The following TPD52L2 variants were observed in gnomAD, a reference collection of about 807,000 sequenced individuals.
TPD52L2 encodes the protein tumor protein D54.
TPD52L2 carries 19 observed loss-of-function variants against 24.7 expected under a neutral mutation model. That is an observed-to-expected ratio of 0.77 (90% confidence interval 0.54 to 1.13). The LOEUF (loss-of-function observed/expected upper bound fraction) is 1.13. Among genes scored for constraint, TPD52L2 ranks in the 50% most tolerant of loss-of-function variants. TPD52L2 has a pLI of 0.00. For synonymous variants in TPD52L2, 104 were observed against 100.2 expected (o/e 1.04, Z -0.23); for missense variants, 236 against 250.4 (o/e 0.94, Z 0.39).
chr20:63,881,378 GAA>G (rs1435486497), intron 4 of TPD52L2, among the ~76,000 whole-genome samples: 2 of 151,052 alleles, frequency 1.3e-5, no homozygotes, highest in Admixed American at 6.6e-5. Context: ...AAAAAAGAAA[GAA>G]AGTGCATCCT....
At chr20:63,869,007 C>T (rs1388839646) in intron 1 of TPD52L2, among the ~76,000 whole-genome samples, 4 of 152,246 alleles carry the variant, frequency 2.6e-5, no homozygotes, top group Admixed American at 2.0e-4. Flanking sequence ...CTGCCTCTGA[C>T]GATAGTATTC....
At chr20:63,872,042 C>CTTTTTTTTTTT (rs34989051) in intron 2 of TPD52L2, among the ~76,000 whole-genome samples, 2 of 106,928 alleles carry the variant, frequency 1.9e-5, no homozygotes, top group Non-Finnish European at 4.1e-5. Context: ...AGGTCATGTT[C>CTTTTTTTTTTT]TTTTTTTTTT....
At chr20:63,878,349 GC>G (rs1458934685) in intron 4 of TPD52L2, among the ~76,000 whole-genome samples, 1 of 152,242 alleles carries the variant, frequency 6.6e-6, no homozygotes, top group African/African-American at 2.4e-5. Context: ...TGAAACAATT[GC>G]CTGTTGCATT....
At chr20:63,885,168 G>A (rs1049257033) in intron 5 of TPD52L2, among the ~76,000 whole-genome samples, 2 of 152,254 alleles carry the variant, frequency 1.3e-5, no homozygotes, top group African/African-American at 2.4e-5. Context: ...CTGGACAGCT[G>A]CCCAACGCCC....
At chr20:63,875,738 C>G in intron 3 of TPD52L2, 78 bp from the exon 4 acceptor site, 1 of 1,481,800 alleles carries the variant, frequency 6.7e-7, no homozygotes, top group Non-Finnish European at 9.4e-7. Context: ...TCTGTCTTCC[C>G]TGGAACTTCA....
At chr20:63,873,549 G>A in intron 2 of TPD52L2, 119 bp from the exon 3 acceptor site, 1 of 1,162,006 alleles carries the variant, frequency 8.6e-7, no homozygotes. Context: ...GTTATTCCTA[G>A]GACGAGTTAA....
intron 2 of TPD52L2, among the ~76,000 whole-genome samples, chr20:63,870,249 A>C (rs1167217716): frequency 6.6e-6 from 1 of 152,226 alleles, no homozygotes; most frequent in African/African-American, 2.4e-5. Context: ...TAGTCAAACC[A>C]ACTGCCAAGA....
chr20:63,886,570 C>T (rs1358119761), intron 5 of TPD52L2, among the ~76,000 whole-genome samples: 1 of 152,008 alleles, frequency 6.6e-6, no homozygotes, highest in Non-Finnish European at 1.5e-5. Flanking sequence ...ACCGTGGTCT[C>T]GATCTCCCGA....
At chr20:63,866,010 G>A (rs544687189) in intron 1 of TPD52L2, among the ~76,000 whole-genome samples, 3 of 152,352 alleles carry the variant, frequency 2.0e-5, no homozygotes, top group East Asian at 3.9e-4. Context: ...GGGGCGTGGA[G>A]CGAGCCCAGG....
At position 63,869,313 on chromosome 20, in the gene TPD52L2, C is replaced by T. The variant is rs1272607790; in HGVS notation, c.37C>T (p.Pro13Ser). The T allele has an allele frequency of 1.9e-6, 3 of 1,614,110 alleles. No individual in the cohort carries two copies. Among genetic ancestry groups the T allele is most frequent in the Non-Finnish European group, 2.5e-6 (3 of 1,179,972 alleles). Residue 13 changes from proline to serine, a missense_variant, in exon 2 of 7, where the codon CCT becomes TCT. By Grantham distance (74) the Pro-to-Ser change is moderately conservative. Coordinates refer to ENST00000346249, the MANE Select transcript of TPD52L2 (RefSeq NM_003288.4). ...TCTGGCAGATATCAACCTGAATTCT[C>T]CTAACAAAGGTCTGCTGTCTGACTC... is the stretch of plus-strand genomic sequence containing the variant. ...SAGQDINLNS[P>S]NKGLLSDSMT...
chr20:63,883,278 T>A (rs1291281104), intron 5 of TPD52L2, among the ~76,000 whole-genome samples: 1 of 152,166 alleles, frequency 6.6e-6, no homozygotes, highest in African/African-American at 2.4e-5. Context: ...TGAATGAGCC[T>A]TCTCTCCCAG....
chr20:63,867,822 GAGACGGGGTTTC>G (rs1471877927), intron 1 of TPD52L2, among the ~76,000 whole-genome samples: 1 of 141,538 alleles, frequency 7.1e-6, no homozygotes, highest in Admixed American at 7.1e-5. Flanking sequence ...TCAAAAAAAA[GAGACGGGGTTTC>G]ACCATATTGG....
intron 5 of TPD52L2, chr20:63,888,506 C>T (rs534544037): frequency 1.5e-5 from 2 of 134,948 alleles, no homozygotes; most frequent in East Asian, 2.3e-4. Context: ...AGAGAGGGGC[C>T]GACAGCCCCC....
chr20:63,889,676 C>T (rs1231688441), intron 6 of TPD52L2, among the ~76,000 whole-genome samples, 174 bp from the exon 7 acceptor site: 5 of 152,220 alleles, frequency 3.3e-5, no homozygotes, highest in Admixed American at 6.5e-5. Context: ...CATTTGGCAT[C>T]GTTCTCTGGA....
rs372436734 is a variant in TPD52L2, at chr20:63,887,622, C to T, written c.477-1568C>T. The stretch of plus-strand genomic sequence containing the variant: ...AGCCATGAGGTAATGTATGCCTGCT[C>T]GCTGCGGCTCCAGAGCCGGGTGTCT... On this transcript the variant is annotated intron_variant, in intron 5 of 6. Transcript: ENST00000346249. The T allele has an allele frequency of 1.0e-4, 168 of 1,611,994 alleles. 1 individual carries two copies. Among genetic ancestry groups the T allele is most frequent in the South Asian group, 6.3e-4 (57 of 91,050 alleles).
In TPD52L2 at chr20:63,882,830, A is replaced by G. The variant is rs2052953456; in HGVS notation, c.476+10A>G. 6.2e-7 allele frequency: 1 copy of G among 1,602,812 alleles called. No individual in the cohort carries two copies. Among genetic ancestry groups the G allele is most frequent in the Non-Finnish European group, 8.5e-7 (1 of 1,172,964 alleles). On this transcript the variant is annotated intron_variant, in intron 5 of 6. Coordinates refer to ENST00000346249, the MANE Select transcript of TPD52L2 (RefSeq NM_003288.4). Reference sequence around the variant, plus strand: ...AGCTTGGAGACATGAGGTGAGACGCAACCCTGACTCTGCTGCCCTGAGACC... The same window carrying G: ...AGCTTGGAGACATGAGGTGAGACGCGACCCTGACTCTGCTGCCCTGAGACC...
chr20:63,877,952 C>T lies in TPD52L2; in HGVS notation c.374+2077C>T, dbSNP rs1446018401. On this transcript the variant is annotated intron_variant, in intron 4 of 6. Transcript: ENST00000346249. This position sits in a 1 kb window ranked among gnomAD's most constrained non-coding sequence, Gnocchi z 4.1. ...AGGCCCAGGCCGAGGGCGATGGTTT[C>T]TGCCGGGACGGCCGAGGCCGAGGGC... 1.3e-5 allele frequency among the ~76,000 whole-genome samples: 2 copies of T among 152,240 alleles called. No homozygotes were observed. The highest frequency in any genetic ancestry group is 4.8e-5 in the African/African-American group (2 of 41,478).
chr20:63,865,277 C>A lies in TPD52L2; in HGVS notation c.-89C>A. 2 of 1,404,870 alleles carry A rather than the reference C, an allele frequency of 1.4e-6. No homozygotes were observed. Among genetic ancestry groups the A allele is most frequent in the South Asian group, 1.4e-5 (1 of 70,414 alleles). The allele number at this position is 1,404,870 out of a possible 1,614,324, so 87.0% of individuals were successfully genotyped here. On this transcript the variant is annotated 5_prime_UTR_variant, in exon 1 of 7. In the 5' UTR this introduces an upstream ATG that the reference lacks. Coordinates refer to ENST00000346249, the MANE Select transcript of TPD52L2 (RefSeq NM_003288.4). ...ACGCCGCGGAGCTGAGGCAGTTCCGCTGGCTAGTGTGTACGCGGCGAGCTT... is the reference window on the plus strand; with the variant it reads ...ACGCCGCGGAGCTGAGGCAGTTCCGATGGCTAGTGTGTACGCGGCGAGCTT...
chr20:63,882,589 C>A, intron 4 of TPD52L2, 130 bp from the exon 5 acceptor site: 1 of 735,622 alleles, frequency 1.4e-6, no homozygotes, highest in Non-Finnish European at 2.4e-6. Flanking sequence ...AGACACCTGG[C>A]GAGTGTCCAC....
Sources: gnomAD v4.1 joint callset for allele counts (sites outside exome capture counted in the v4.1 genomes callset) on GRCh38, gnomAD v4.1.1 for gene constraint, Gnocchi (gnomAD v3.1) non-coding constraint, MANE v1.5 for transcripts, NCBI Gene and HGNC (gene_info 2026-07-23, HGNC 2026-07-21) for gene names.